CTIF: variants seen among roughly 807,000 people sequenced by gnomAD.
The protein encoded by CTIF is CBP80/20-dependent translation initiation factor.
In CTIF, 21 loss-of-function variants were observed where a neutral mutation model predicts 66.0. The ratio of observed to expected loss-of-function variants is 0.32; its 90% confidence interval spans 0.23 to 0.46. The LOEUF is 0.46. Ranked by LOEUF, CTIF falls within the 20% of genes least tolerant of loss-of-function variation. The probability of loss-of-function intolerance (pLI) is 1.00; values close to 1 mark genes in which losing one functional copy is unlikely to be tolerated. For synonymous variants in CTIF, 345 were observed against 326.4 expected, an observed-to-expected ratio of 1.06 and a Z score of -0.62; for missense variants, 739 against 812.7, an observed-to-expected ratio of 0.91 and a Z score of 1.10.
Position 48,797,707 on chromosome 18 carries a change from A to T in CTIF, c.1372-19514A>T, listed in dbSNP as rs145864940. ...AAGTGCCCTTCCACGTGTTCCTCAG[A>T]TTCATCCAATGAGGCCTGCACTTTT... On this transcript the variant is annotated intron_variant, in intron 9 of 11. Transcript: ENST00000256413. Among the ~76,000 whole-genome samples the T allele has an allele frequency of 1.8e-3, 267 of 152,196 alleles. 2 individuals are homozygous for T. In the East Asian group the frequency reaches 0.026, roughly 15 times the overall value.
rs2091237444 is a variant in CTIF, at chr18:48,655,741, G to A, written c.253-8011G>A. On this transcript the variant is annotated intron_variant, in intron 3 of 11. Coordinates refer to ENST00000256413, the MANE Select transcript of CTIF (RefSeq NM_014772.3). ...GTCACCTGATGTAGCAGGCCTGCTA[G>A]GGAAATCCACACCAGCCTGCCCTAG... is the stretch of plus-strand genomic sequence containing the variant. Among the ~76,000 whole-genome samples the A allele has an allele frequency of 2.0e-5, 3 of 152,126 alleles. No individual in the cohort carries two copies. The South Asian group carries it at 6.2e-4, about 32-fold the overall frequency.
At chr18:48,785,205 T>C (rs1226398306) in intron 9 of CTIF, among the ~76,000 whole-genome samples, 1 of 152,158 alleles carries the variant, frequency 6.6e-6, no homozygotes, top group Non-Finnish European at 1.5e-5. Context: ...CTTTCTTTCA[T>C]GAAGAAAAGC....
chr18:48,724,784 C>A (rs539029200), intron 7 of CTIF, among the ~76,000 whole-genome samples: 57 of 152,206 alleles, frequency 3.7e-4, no homozygotes, highest in Non-Finnish European at 7.2e-4. Flanking sequence ...GTCTGGAGGG[C>A]AAGCCCCGGG....
chr18:48,597,413 C>T (rs1041367619), intron 1 of CTIF, among the ~76,000 whole-genome samples: 3 of 152,148 alleles, frequency 2.0e-5, no homozygotes, highest in African/African-American at 7.2e-5. Flanking sequence ...AATATGATCT[C>T]CAGTGTTGGA....
intron 1 of CTIF, among the ~76,000 whole-genome samples, chr18:48,560,154 A>ACT (rs1446712166): frequency 6.6e-6 from 1 of 152,004 alleles, no homozygotes; most frequent in African/African-American, 2.4e-5. Context: ...GCAGTCACAG[A>ACT]GTCCAGATTC....
At chr18:48,759,578 T>G (rs62103263) in intron 8 of CTIF, among the ~76,000 whole-genome samples, 1,579 of 152,322 alleles carry the variant, frequency 0.01, 12 homozygotes, top group Non-Finnish European at 0.015. Flanking sequence ...AGACCTCACT[T>G]TGCCTTTGAC....
chr18:48,578,160 T>C (rs113839717), intron 1 of CTIF, among the ~76,000 whole-genome samples: 416 of 152,350 alleles, frequency 2.7e-3, no homozygotes, highest in African/African-American at 9.4e-3. Context: ...CTCTTCATTT[T>C]TTTTTTATCA....
At chr18:48,711,925 G>A (rs1375587135) in intron 7 of CTIF, among the ~76,000 whole-genome samples, 1 of 152,152 alleles carries the variant, frequency 6.6e-6, no homozygotes, top group Admixed American at 6.5e-5. Flanking sequence ...GTTTGGCTGA[G>A]AGCCCACCAT....
chr18:48,845,110 A>G (rs1419931204), intron 10 of CTIF, among the ~76,000 whole-genome samples: 2 of 151,070 alleles, frequency 1.3e-5, no homozygotes, highest in Non-Finnish European at 2.9e-5. Flanking sequence ...AGTTCCAAAA[A>G]CAAAGAAAAG....
intron 7 of CTIF, among the ~76,000 whole-genome samples, chr18:48,739,316 C>G (rs764016065): frequency 6.6e-6 from 1 of 152,220 alleles, no homozygotes; most frequent in Admixed American, 6.5e-5. Flanking sequence ...AGACCTAACC[C>G]CCAAGCTGGA....
At chr18:48,606,053 G>A (rs891751289) in intron 1 of CTIF, among the ~76,000 whole-genome samples, 6 of 152,224 alleles carry the variant, frequency 3.9e-5, no homozygotes, top group African/African-American at 1.4e-4. Context: ...GCAATCTGTT[G>A]TGGGAGGCCT....
chr18:48,681,542 C>A (rs1261097095), intron 6 of CTIF, among the ~76,000 whole-genome samples: 1 of 152,232 alleles, frequency 6.6e-6, no homozygotes, highest in African/African-American at 2.4e-5. Context: ...GAAAGGCAAA[C>A]TTCTCATTGC....
intron 2 of CTIF, among the ~76,000 whole-genome samples, chr18:48,635,327 C>CTTTTTTTTTTTTTTTTTTTTTTTT (rs561455888): frequency 2.6e-5 from 3 of 113,378 alleles, no homozygotes; most frequent in African/African-American, 6.6e-5. Context: ...CTTTTTCTTT[C>CTTTTTTTTTTTTTTTTTTTTTTTT]TTTTTTTTTT....
chr18:48,639,119 C>T (rs189298901), intron 3 of CTIF, among the ~76,000 whole-genome samples: 195 of 152,348 alleles, frequency 1.3e-3, no homozygotes, highest in African/African-American at 4.5e-3. Context: ...GAGTCTGCGA[C>T]GCCCATGCCT....
chr18:48,635,278 GGCTTCCCTCT>G (rs1409927623), intron 2 of CTIF, among the ~76,000 whole-genome samples: 2 of 151,346 alleles, frequency 1.3e-5, no homozygotes, highest in Non-Finnish European at 2.9e-5. Flanking sequence ...ACAGAGACTG[GGCTTCCCTCT>G]GCTTTTTCTT....
Position 48,830,034 on chromosome 18 carries a change from T to C in CTIF, c.1527+12658T>C, listed in dbSNP as rs1414810614. ...GGGCCAGGCCTTTTGAGAAAGAACC[T>C]CCAGGATCAGCCTTCTCTTGTAGCC... On this transcript the variant is annotated intron_variant, in intron 10 of 11. Transcript: ENST00000256413. Among the ~76,000 whole-genome samples, 8 of 152,284 alleles carry C rather than the reference T, an allele frequency of 5.3e-5. No individual in the cohort carries two copies. In the East Asian group the frequency reaches 1.5e-3, roughly 29 times the overall value.
intron 9 of CTIF, among the ~76,000 whole-genome samples, chr18:48,787,235 G>T (rs1051360650): frequency 6.6e-6 from 1 of 152,168 alleles, no homozygotes; most frequent in African/African-American, 2.4e-5. Flanking sequence ...GCCCAGCCCA[G>T]GATGGCTGTG....
chr18:48,811,238 C>T (rs2068252277), intron 9 of CTIF, among the ~76,000 whole-genome samples: 2 of 151,902 alleles, frequency 1.3e-5, no homozygotes, highest in South Asian at 4.2e-4. Flanking sequence ...CTTTTGATTC[C>T]ATTGTATAAC....
rs114610835 is a variant in CTIF at position 48,850,045 on chromosome 18, C to T, written c.1528-7543C>T. 4.1e-3 allele frequency among the ~76,000 whole-genome samples: 618 copies of T among 152,312 alleles called. 8 individuals are homozygous for T. The highest frequency in any genetic ancestry group is 0.014 in the African/African-American group (579 of 41,556). ...TCCTCCCTCTTCCCAGTTCCTGGCACCCACCATTCTGCTCCCTGTCTGTAT... is the reference window on the plus strand; with the variant it reads ...TCCTCCCTCTTCCCAGTTCCTGGCATCCACCATTCTGCTCCCTGTCTGTAT... On this transcript the variant is annotated intron_variant, in intron 10 of 11. Transcript: ENST00000256413.
Sources: allele counts gnomAD v4.1 joint callset (sites outside exome capture counted in the v4.1 genomes callset), GRCh38; gene constraint gnomAD v4.1.1; transcripts MANE v1.5; gene names NCBI Gene and HGNC (gene_info 2026-07-23, HGNC 2026-07-21).